The following DNAH12 variants were observed in gnomAD, a reference collection of about 807,000 sequenced individuals.
DNAH12 encodes the protein dynein axonemal heavy chain 12, also known as axonemal beta dynein heavy chain 12.
In DNAH12, 285 loss-of-function variants were observed where a neutral mutation model predicts 371.5. That is an observed-to-expected ratio of 0.77 (90% CI 0.70 to 0.85). The LOEUF (loss-of-function observed/expected upper bound fraction) is 0.85. Ranked by LOEUF, DNAH12 falls within the 40% of genes least tolerant of loss-of-function variation. The pLI, the probability that DNAH12 is intolerant of heterozygous loss-of-function variation, is 0.00. For missense variants in DNAH12, 3,611 were observed against 3,689.4 expected, an observed-to-expected ratio of 0.98 and a Z score of 0.55; for synonymous variants, 1,200 against 1,213.0, an observed-to-expected ratio of 0.99 and a Z score of 0.22.
intron 4 of DNAH12, among the ~76,000 whole-genome samples, chr3:57,520,725 G>A (rs1316050509): frequency 2.0e-5 from 3 of 151,840 alleles, no homozygotes; most frequent in African/African-American, 7.3e-5. Context: ...ACAGGTGTGA[G>A]CACCCGGCCC....
chr3:57,320,266 G>T (rs2061775964), intron 65 of DNAH12, among the ~76,000 whole-genome samples: 1 of 152,088 alleles, frequency 6.6e-6, no homozygotes, highest in African/African-American at 2.4e-5. Context: ...TTTTATATAT[G>T]TTCATTGCCA....
chr3:57,433,469 A>G lies in DNAH12; in HGVS notation c.4878T>C (p.Phe1626=). 1 of 1,551,564 alleles carries G rather than the reference A, an allele frequency of 6.4e-7. No homozygotes were observed. Among genetic ancestry groups the G allele is most frequent in the South Asian group, 1.2e-5 (1 of 84,052 alleles). The change falls in exon 32 of 74, where the codon TTT becomes TTC. Residue 1626 remains phenylalanine (F), a synonymous_variant. Transcript: ENST00000495027. The part of the protein sequence containing the change: ...DGIVANTFRE[F]ALSETPDRKW... ...TCCGGTCAGGTGTTTCTGATAAGGC[A>G]AATTCTCTAAAAGTGTTAGCCACAA...
In DNAH12 at chr3:57,442,250, A is replaced by G. The variant is rs532049360; in HGVS notation, c.4545+2447T>C. Reference sequence around the variant, plus strand: ...ATGAAAACATATATCTGCTGGAAAGAATAAAAGCACTAGAAAGGGTAGCGT... The same window carrying G: ...ATGAAAACATATATCTGCTGGAAAGGATAAAAGCACTAGAAAGGGTAGCGT... On this transcript the variant is annotated intron_variant, in intron 29 of 73. Coordinates refer to ENST00000495027, the MANE Select transcript of DNAH12 (RefSeq NM_001366028.2). Among the ~76,000 whole-genome samples, 150 of 151,650 alleles carry G rather than the reference A, an allele frequency of 9.9e-4. 2 individuals carry two copies. In the South Asian group the frequency reaches 0.019, roughly 19 times the overall value.
chr3:57,362,163 A>G (rs1337880241), intron 58 of DNAH12, among the ~76,000 whole-genome samples: 1 of 152,184 alleles, frequency 6.6e-6, no homozygotes, highest in Non-Finnish European at 1.5e-5. Flanking sequence ...GGTTTCCACC[A>G]GCTTCATCCA....
At chr3:57,452,011 A>G (rs2153373337) in intron 25 of DNAH12, among the ~76,000 whole-genome samples, 1 of 152,130 alleles carries the variant, frequency 6.6e-6, no homozygotes, top group East Asian at 1.9e-4. Flanking sequence ...AGTGTGCTTT[A>G]CCCCCTTTCG....
At chr3:57,339,994 C>A (rs1224405006) in intron 60 of DNAH12, among the ~76,000 whole-genome samples, 2 of 151,854 alleles carry the variant, frequency 1.3e-5, no homozygotes, top group African/African-American at 4.8e-5. Flanking sequence ...TTGCTTGAGC[C>A]CAGGAGGTTG....
chr3:57,421,902 C>CTTTTTTCT (rs2064595842), intron 35 of DNAH12, among the ~76,000 whole-genome samples, 196 bp from the exon 36 acceptor site: 1 of 98,548 alleles, frequency 1.0e-5, no homozygotes, highest in African/African-American at 4.9e-5. Context: ...GTTTGCATGT[C>CTTTTTTCT]TTTTTTTTTT....
chr3:57,528,043 T>C lies in DNAH12; in HGVS notation c.171-4159A>G, dbSNP rs140081510. The stretch of plus-strand genomic sequence containing the variant: ...GTCTTTTTTTAATCTATTTATTTTT[T>C]TTGAGACAGAGTTTCGCTCTTGTTG... On this transcript the variant is annotated intron_variant, in intron 2 of 73. Coordinates refer to ENST00000495027, the MANE Select transcript of DNAH12 (RefSeq NM_001366028.2). Among the ~76,000 whole-genome samples the C allele has an allele frequency of 9.2e-4, 140 of 152,262 alleles. 1 individual carries two copies. Among genetic ancestry groups the C allele is most frequent in the African/African-American group, 3.3e-3 (137 of 41,544 alleles).
At chr3:57,429,245 C>T (rs1559649183) in intron 33 of DNAH12, among the ~76,000 whole-genome samples, 2 of 151,750 alleles carry the variant, frequency 1.3e-5, no homozygotes, top group Admixed American at 1.3e-4. Flanking sequence ...GGTACCATCT[C>T]GGCTCACTGC....
intron 34 of DNAH12, among the ~76,000 whole-genome samples, chr3:57,425,374 A>T (rs1465573460): frequency 6.6e-6 from 1 of 151,730 alleles, no homozygotes; most frequent in Non-Finnish European, 1.5e-5. Flanking sequence ...CAGCCTCTCA[A>T]GTAGTTAGGA....
intron 8 of DNAH12, among the ~76,000 whole-genome samples, chr3:57,507,387 C>T (rs1480347249): frequency 6.6e-6 from 1 of 152,034 alleles, no homozygotes; most frequent in Non-Finnish European, 1.5e-5. Flanking sequence ...CCAAATAAAG[C>T]TATAATTAAC....
At chr3:57,345,178 T>A (rs1379964654) in intron 60 of DNAH12, among the ~76,000 whole-genome samples, 1 of 152,232 alleles carries the variant, frequency 6.6e-6, no homozygotes, top group Non-Finnish European at 1.5e-5. Flanking sequence ...ATAATCTGTT[T>A]ACAAGATGAA....
chr3:57,334,302 G>A (rs947317181), intron 62 of DNAH12, among the ~76,000 whole-genome samples, 163 bp downstream of exon 62: 15 of 152,156 alleles, frequency 9.9e-5, no homozygotes, highest in African/African-American at 3.6e-4. Context: ...TTCCTAAATT[G>A]AGGAAAACAG....
chr3:57,364,016 A>T (rs1480936539), intron 57 of DNAH12, among the ~76,000 whole-genome samples: 2 of 152,168 alleles, frequency 1.3e-5, no homozygotes, highest in African/African-American at 4.8e-5. Context: ...GTCTAAGAAC[A>T]CATTAGACTT....
chr3:57,445,906 T>G, intron 27 of DNAH12, 125 bp downstream of exon 27: 2 of 872,244 alleles, frequency 2.3e-6, no homozygotes, highest in Non-Finnish European at 3.2e-6. Context: ...GAGAATCGCT[T>G]GAACCCGGGA....
rs1167862748 is a variant in DNAH12, at chr3:57,523,845, A to T, written c.210T>A (p.Gly70=). The part of the protein sequence containing the change: ...GAKRNLDRTL[G]KRTPLLPPPD... ...GTGGTGGTAATAGAGGTGTTCTTTTACCCAGTGTTCTGTCTAAATTTCTTT... is the reference window on the plus strand; with the variant it reads ...GTGGTGGTAATAGAGGTGTTCTTTTTCCCAGTGTTCTGTCTAAATTTCTTT... Residue 70 remains glycine, a synonymous_variant, in exon 3 of 74, where the codon GGT becomes GGA. Transcript: ENST00000495027. The T allele has an allele frequency of 3.9e-5, 63 of 1,606,756 alleles. No homozygotes were observed. Among genetic ancestry groups the T allele is most frequent in the Non-Finnish European group, 5.0e-5 (59 of 1,177,412 alleles).
chr3:57,513,461 G>A (rs1331358900), intron 4 of DNAH12, among the ~76,000 whole-genome samples: 1 of 151,878 alleles, frequency 6.6e-6, no homozygotes, highest in East Asian at 1.9e-4. Flanking sequence ...AAACCTGCAC[G>A]TTCTGCACAT....
chr3:57,531,057 C>T (rs1196334634), intron 2 of DNAH12: 1 of 152,214 alleles, frequency 6.6e-6, no homozygotes, highest in Non-Finnish European at 1.5e-5. Flanking sequence ...GTTTACACAC[C>T]ACAGTTACAG....
intron 39 of DNAH12, among the ~76,000 whole-genome samples, chr3:57,410,833 C>G (rs1274725732): frequency 1.4e-5 from 2 of 143,428 alleles, no homozygotes; most frequent in Non-Finnish European, 3.0e-5. Flanking sequence ...AAAAAAAAAG[C>G]CAAAAACGTC....
Sources: allele counts gnomAD v4.1 joint callset (sites outside exome capture counted in the v4.1 genomes callset), GRCh38; gene constraint gnomAD v4.1.1; transcripts MANE v1.5; gene names NCBI Gene and HGNC (gene_info 2026-07-23, HGNC 2026-07-21).